Variants in RAD18 observed in about 807,000 individuals in gnomAD.
RAD18 encodes E3 ubiquitin-protein ligase RAD18.
RAD18 carries 47 observed loss-of-function variants against 60.4 expected under a neutral mutation model. The observed-to-expected ratio is 0.78, with a 90% CI of 0.62 to 0.99. The LOEUF is 0.99. RAD18 is among the 50% of genes least tolerant of loss of function. The pLI is 0.00. For synonymous variants in RAD18, 225 were observed against 195.5 expected, an observed-to-expected ratio of 1.15 and a Z score of -1.26; for missense variants, 640 against 593.3, an observed-to-expected ratio of 1.08 and a Z score of -0.82.
At chr3:8,889,022 G>T (rs1939634192) in intron 12 of RAD18, among the ~76,000 whole-genome samples, 1 of 152,146 alleles carries the variant, frequency 6.6e-6, no homozygotes, top group African/African-American at 2.4e-5. Context: ...TAATGCTTAG[G>T]TGAGAGACAG....
intron 7 of RAD18, among the ~76,000 whole-genome samples, chr3:8,930,817 A>G (rs1940540340): frequency 6.6e-6 from 1 of 152,170 alleles, no homozygotes; most frequent in South Asian, 2.1e-4. Context: ...AAGAACATAT[A>G]TTGATGCAAT....
intron 4 of RAD18, among the ~76,000 whole-genome samples, chr3:8,945,468 CTTTTTTTT>C (rs375744764): frequency 4.1e-5 from 4 of 96,416 alleles, no homozygotes; most frequent in Middle Eastern, 0.011. Context: ...TTTCCATCTT[CTTTTTTTT>C]TTTTTTTTTT....
chr3:8,897,910 AC>A (rs1259672069), intron 11 of RAD18, among the ~76,000 whole-genome samples: 3 of 151,820 alleles, frequency 2.0e-5, no homozygotes, highest in Non-Finnish European at 2.9e-5. Flanking sequence ...TACTAAATGT[AC>A]AAAAAAAAAA....
At chr3:8,903,303 A>G (rs1439654796) in intron 9 of RAD18, among the ~76,000 whole-genome samples, 3 of 152,212 alleles carry the variant, frequency 2.0e-5, no homozygotes, top group African/African-American at 7.2e-5. Context: ...TTTCTTAAAT[A>G]TATACAAATG....
intron 7 of RAD18, among the ~76,000 whole-genome samples, chr3:8,926,471 T>C (rs1940436870): frequency 6.6e-6 from 1 of 152,126 alleles, no homozygotes; most frequent in East Asian, 1.9e-4. Flanking sequence ...ATCATGAAAA[T>C]GGCCATACTG....
intron 2 of RAD18, among the ~76,000 whole-genome samples, chr3:8,956,013 C>A (rs1186448560): frequency 6.6e-6 from 1 of 152,092 alleles, no homozygotes; most frequent in Non-Finnish European, 1.5e-5. Context: ...AGATTAGGAA[C>A]AATAACAATA....
intron 7 of RAD18, among the ~76,000 whole-genome samples, chr3:8,918,593 G>A (rs1027565299): frequency 6.6e-6 from 1 of 151,254 alleles, no homozygotes; most frequent in Non-Finnish European, 1.5e-5. Context: ...GACACTGTGT[G>A]TCACCCTGGG....
chr3:8,932,930 T>C (rs1940584468), intron 7 of RAD18, among the ~76,000 whole-genome samples: 1 of 151,998 alleles, frequency 6.6e-6, no homozygotes, highest in African/African-American at 2.4e-5. Flanking sequence ...ACCCCATCTC[T>C]ACTAAAAATA....
At chr3:8,960,039 A>G (rs1168759080) in intron 1 of RAD18, among the ~76,000 whole-genome samples, 2 of 152,244 alleles carry the variant, frequency 1.3e-5, no homozygotes, top group Non-Finnish European at 2.9e-5. Flanking sequence ...TAGGCCTAGC[A>G]TGGTGGCTCT....
At chr3:8,931,768 T>G (rs1313499770) in intron 7 of RAD18, 1 of 152,158 alleles carries the variant, frequency 6.6e-6, no homozygotes, top group Non-Finnish European at 1.5e-5. Context: ...GTTACAGAAA[T>G]CAAGAGTGTG....
intron 4 of RAD18, among the ~76,000 whole-genome samples, chr3:8,944,503 T>C (rs952621607): frequency 3.4e-5 from 5 of 148,386 alleles, no homozygotes; most frequent in African/African-American, 1.0e-4. Context: ...GCCACTGCAC[T>C]GCAGTCTGGG....
intron 2 of RAD18, among the ~76,000 whole-genome samples, chr3:8,952,045 G>T (rs530435230): frequency 1.3e-5 from 2 of 151,036 alleles, no homozygotes; most frequent in African/African-American, 2.5e-5. Context: ...TCTCCCAAAG[G>T]CCTCATCTTC....
intron 4 of RAD18, among the ~76,000 whole-genome samples, chr3:8,944,308 T>C (rs1049865156): frequency 1.3e-5 from 2 of 152,178 alleles, no homozygotes; most frequent in Non-Finnish European, 2.9e-5. Flanking sequence ...TTAAAACTTT[T>C]CCACAAAGAA....
chr3:8,942,728 T>A (rs1384396826), intron 4 of RAD18, among the ~76,000 whole-genome samples: 1 of 152,156 alleles, frequency 6.6e-6, no homozygotes, highest in East Asian at 1.9e-4. Flanking sequence ...CTGGCCAGGA[T>A]TGAGGGGTCA....
chr3:8,925,451 G>C (rs142009252), intron 7 of RAD18, among the ~76,000 whole-genome samples: 17,660 of 152,182 alleles, frequency 0.12, 1,150 homozygotes, highest in East Asian at 0.23. Flanking sequence ...TCCAGGACCA[G>C]ACAGATTCAC....
At chr3:8,947,196 G>A (rs915589115) in intron 4 of RAD18, 24 bp downstream of exon 4, 14 of 1,547,946 alleles carry the variant, frequency 9.0e-6, no homozygotes, top group Non-Finnish European at 1.2e-5. Context: ...GTAGTTAGAG[G>A]TTAGTCACAA....
intron 11 of RAD18, among the ~76,000 whole-genome samples, chr3:8,894,160 G>A (rs1225428576): frequency 6.6e-6 from 1 of 152,098 alleles, no homozygotes; most frequent in Non-Finnish European, 1.5e-5. Flanking sequence ...AAATGCTATT[G>A]ATTTTACCAG....
chr3:8,933,836 C>T (rs1032847844), intron 7 of RAD18, among the ~76,000 whole-genome samples: 7 of 152,054 alleles, frequency 4.6e-5, no homozygotes, highest in African/African-American at 7.2e-5. Flanking sequence ...CTAGAAAAAA[C>T]AAGTCAACCT....
At chr3:8,954,060 T>TAC (rs542036138) in intron 2 of RAD18, among the ~76,000 whole-genome samples, 2 of 152,210 alleles carry the variant, frequency 1.3e-5, no homozygotes, top group Non-Finnish European at 2.9e-5. Flanking sequence ...GAGAAATAGC[T>TAC]ACACACACAA....
Sources: allele counts gnomAD v4.1 joint callset (sites outside exome capture counted in the v4.1 genomes callset), GRCh38; gene constraint gnomAD v4.1.1; transcripts MANE v1.5; gene names NCBI Gene and HGNC (gene_info 2026-07-23, HGNC 2026-07-21).